The following RSF1 variants were observed in gnomAD, a reference collection of about 807,000 sequenced individuals.
The protein encoded by RSF1 is remodeling and spacing factor 1.
RSF1 carries 13 observed loss-of-function variants against 145.2 expected under a neutral mutation model. The ratio of observed to expected loss-of-function variants is 0.09; its 90% CI spans 0.06 to 0.14. The LOEUF (loss-of-function observed/expected upper bound fraction) is 0.14. Among genes scored for constraint, RSF1 ranks in the 10% least tolerant of loss-of-function variants. The probability of loss-of-function intolerance (pLI) is 1.00; values close to 1 mark genes in which losing one functional copy is unlikely to be tolerated. For synonymous variants in RSF1, 577 were observed against 592.6 expected, an observed-to-expected ratio of 0.97 and a Z score of 0.38; for missense variants, 1,517 against 1,718.2, an observed-to-expected ratio of 0.88 and a Z score of 2.07.
chr11:77,835,042 T>C, the RSF1 span, among the ~76,000 whole-genome samples: 2 of 152,220 alleles, frequency 1.3e-5, no homozygotes, highest in Non-Finnish European at 2.9e-5. Context: ...TGGAGACTAG[T>C]ACTTCCTTAA....
chr11:77,698,455 A>G, intron 7 of RSF1, 32 bp downstream of exon 7: 1 of 1,583,478 alleles, frequency 6.3e-7, no homozygotes, highest in Non-Finnish European at 8.7e-7. Context: ...TGTCTGTAAT[A>G]TGAGTATTCT....
the RSF1 span, chr11:77,868,719 C>T: frequency 9.1e-6 from 2 of 219,340 alleles, no homozygotes; most frequent in South Asian, 9.3e-5. Context: ...CAAATTATGG[C>T]GTGAATTCAC....
At chr11:77,828,706 T>C in the RSF1 span, among the ~76,000 whole-genome samples, 22 of 150,614 alleles carry the variant, frequency 1.5e-4, no homozygotes, top group African/African-American at 4.6e-4. Context: ...TTATAAAACA[T>C]TGTTCAAGGA....
At position 77,662,415 on chromosome 11, in the gene RSF1, G is replaced by A. The variant is rs977770458; in HGVS notation, c.*4502C>T. 2 of 152,064 alleles carry A rather than the reference G, an allele frequency of 1.3e-5. No homozygotes were observed. Among genetic ancestry groups the A allele is most frequent in the African/African-American group, 4.8e-5 (2 of 41,434 alleles). 9.4% of individuals were successfully genotyped at this position (152,064 alleles called of 1,614,324 possible). ...TTTGCATGAATGAATACAAAAAGTG[G>A]TGAGTGTATACTCTAAAGTGGTTAT... On this transcript the variant is annotated 3_prime_UTR_variant, in exon 16 of 16. Transcript: ENST00000308488.
chr11:77,782,536 G>A (rs940889567), intron 1 of RSF1, among the ~76,000 whole-genome samples: 1 of 149,272 alleles, frequency 6.7e-6, no homozygotes, highest in African/African-American at 2.5e-5. Context: ...GCGAGAATCC[G>A]TCTCAAAAAA....
chr11:77,780,852 C>A (rs1458210309), intron 1 of RSF1, among the ~76,000 whole-genome samples: 1 of 148,752 alleles, frequency 6.7e-6, no homozygotes, highest in Non-Finnish European at 1.5e-5. Flanking sequence ...GAGACTATGA[C>A]TAAATAAATG....
intron 4 of RSF1, among the ~76,000 whole-genome samples, chr11:77,736,622 G>A (rs899130879): frequency 3.3e-5 from 5 of 152,188 alleles, no homozygotes; most frequent in African/African-American, 1.2e-4. Context: ...TACTATATTT[G>A]TCAGTAAGAG....
chr11:77,822,417 A>AAAAAG (rs1948956935), upstream of RSF1, among the ~76,000 whole-genome samples: 1 of 149,478 alleles, frequency 6.7e-6, no homozygotes, highest in African/African-American at 2.4e-5. Context: ...TCCACCTCAA[A>AAAAAG]AAAAAAAAAA....
At chr11:77,678,310 G>A (rs982916276) in intron 11 of RSF1, among the ~76,000 whole-genome samples, 157 bp from the exon 12 acceptor site, 5 of 151,498 alleles carry the variant, frequency 3.3e-5, no homozygotes, top group African/African-American at 4.9e-5. Flanking sequence ...TCTGCCTCCC[G>A]GGTTCAAGGG....
intron 9 of RSF1, among the ~76,000 whole-genome samples, chr11:77,686,241 A>C (rs1322914306): frequency 6.6e-6 from 1 of 151,748 alleles, no homozygotes; most frequent in Non-Finnish European, 1.5e-5. Context: ...GTTTCTATAA[A>C]AATTGAAAAA....
At chr11:77,700,091 G>A (rs1257287879) in intron 6 of RSF1, among the ~76,000 whole-genome samples, 1 of 151,998 alleles carries the variant, frequency 6.6e-6, no homozygotes, top group African/African-American at 2.4e-5. Context: ...GGTGGCTCAC[G>A]CCTGTAATCC....
rs1372229726 is a variant in RSF1 at position 77,803,752 on chromosome 11, T to C, written c.187+16776A>G. ...AAGAGCACGCTACTGCACTCCAGTG[T>C]GTGCAACAGGGTGAGACTTCATCTC... is the stretch of plus-strand genomic sequence containing the variant. On this transcript the variant is annotated intron_variant, in intron 1 of 15. Transcript: ENST00000308488. 2.0e-5 allele frequency among the ~76,000 whole-genome samples: 3 copies of C among 151,896 alleles called. No individual in the cohort carries two copies. The East Asian group carries it at 5.8e-4, about 30-fold the overall frequency.
chr11:77,746,903 C>A, intron 3 of RSF1, 133 bp downstream of exon 3: 1 of 536,738 alleles, frequency 1.9e-6, no homozygotes, highest in Non-Finnish European at 3.3e-6. Context: ...TAGATTGTCA[C>A]TAAAAAATAG....
Position 77,685,601 on chromosome 11 carries a change from A to G in RSF1, c.2901-442T>C, listed in dbSNP as rs377398617. 5.3e-5 allele frequency among the ~76,000 whole-genome samples: 8 copies of G among 152,176 alleles called. No homozygotes were observed. In the East Asian group the frequency reaches 1.2e-3, roughly 22 times the overall value. ...GTGACCACTGCTCCTGGCCCATGTT[A>G]GCTATTAAGTATAAAACTTTAATAT... On this transcript the variant is annotated intron_variant, in intron 9 of 15. Coordinates refer to ENST00000308488, the MANE Select transcript of RSF1 (RefSeq NM_016578.4).
Position 77,700,969 on chromosome 11 carries a change from C to G in RSF1, c.2260G>C (p.Glu754Gln). 6.2e-7 allele frequency: 1 copy of G among 1,613,472 alleles called. No individual in the cohort carries two copies. The highest frequency in any genetic ancestry group is 8.5e-7 in the Non-Finnish European group (1 of 1,180,004). The part of the protein sequence containing the change: ...KKPDSPPKVL[E>Q]PENKQEKTEK... Reference sequence around the variant, plus strand: ...GTCTTCTCTTGCTTGTTTTCTGGTTCTAGAACTTTGGGGGGAGAATCGGGC... The same window carrying G: ...GTCTTCTCTTGCTTGTTTTCTGGTTGTAGAACTTTGGGGGGAGAATCGGGC... The change falls in exon 6 of 16, where the codon GAA becomes CAA. Residue 754 changes from glutamate (E) to glutamine (Q), a missense_variant. By Grantham distance (29) the Glu-to-Gln change is conservative (BLOSUM62 2). Around this residue, in one of 12 missense-constraint regions of RSF1, gnomAD observed 579 missense variants for 553.5 expected, o/e 1.05. Coordinates refer to ENST00000308488, the MANE Select transcript of RSF1 (RefSeq NM_016578.4).
chr11:77,687,022 A>G lies in RSF1; in HGVS notation c.2901-1863T>C, dbSNP rs17135813. Among the ~76,000 whole-genome samples, 747 of 152,344 alleles carry G rather than the reference A, an allele frequency of 4.9e-3. 5 individuals are homozygous for G. Among genetic ancestry groups the G allele is most frequent in the African/African-American group, 0.017 (708 of 41,576 alleles). On this transcript the variant is annotated intron_variant, in intron 9 of 15. Transcript: ENST00000308488. Reference sequence around the variant, plus strand: ...CTCTAAGCTGCTAGGATGAATGCTAATAAGTTATTTCACAGATTTTTAAAA... The same window carrying G: ...CTCTAAGCTGCTAGGATGAATGCTAGTAAGTTATTTCACAGATTTTTAAAA...
the RSF1 span, among the ~76,000 whole-genome samples, chr11:77,870,466 A>G: frequency 6.8e-6 from 1 of 147,486 alleles, no homozygotes; most frequent in Admixed American, 7.0e-5. Context: ...CCTCCCGAGT[A>G]GCTGGGACTA....
At chr11:77,872,051 C>G in the RSF1 span, 2 of 1,123,308 alleles carry the variant, frequency 1.8e-6, no homozygotes, top group Non-Finnish European at 2.4e-6. Context: ...TGGTGATACA[C>G]TGAGTGATCG....
intron 2 of RSF1, among the ~76,000 whole-genome samples, chr11:77,756,410 A>AT (rs1468133891): frequency 6.6e-6 from 1 of 151,996 alleles, no homozygotes; most frequent in Non-Finnish European, 1.5e-5. Flanking sequence ...CAATAATAAC[A>AT]TTTTTTGCAT....
Sources: allele counts gnomAD v4.1 joint callset (sites outside exome capture counted in the v4.1 genomes callset), GRCh38; gene constraint gnomAD v4.1.1; regional missense constraint gnomAD v4.1.1; transcripts MANE v1.5; gene names NCBI Gene and HGNC (gene_info 2026-07-23, HGNC 2026-07-21).